PCDHA13: variants seen among roughly 807,000 people sequenced by gnomAD.
The protein encoded by PCDHA13 is protocadherin alpha 13.
A neutral mutation model predicts 64.8 loss-of-function variants in PCDHA13; 54 were observed. That is an observed-to-expected ratio of 0.83 (90% CI 0.67 to 1.04). The LOEUF (loss-of-function observed/expected upper bound fraction) is 1.04, where lower values mean the gene tolerates loss of function less well. Ranked by LOEUF, PCDHA13 falls within the 50% of genes least tolerant of loss-of-function variation. PCDHA13 has a pLI of 0.00. For missense variants in PCDHA13, 1,248 were observed against 1,254.3 expected, an observed-to-expected ratio of 0.99 and a Z score of 0.08; for synonymous variants, 587 against 564.4, an observed-to-expected ratio of 1.04 and a Z score of -0.57.
rs576221086 is a variant in PCDHA13, at chr5:140,933,031, A to G, written c.2395-45918A>G. Among the ~76,000 whole-genome samples, 5 of 152,154 alleles carry G rather than the reference A, an allele frequency of 3.3e-5. No individual in the cohort carries two copies. The South Asian group carries it at 6.2e-4, about 19-fold the overall frequency. ...AATATTAACACTTGGCAGAACTTCAAGTGAATATGGATTACAGTCCAGGAT... is the reference window on the plus strand; with the variant it reads ...AATATTAACACTTGGCAGAACTTCAGGTGAATATGGATTACAGTCCAGGAT... On this transcript the variant is annotated intron_variant, in intron 1 of 3. Coordinates refer to ENST00000289272, the MANE Select transcript of PCDHA13 (RefSeq NM_018904.3).
chr5:140,943,571 G>A (rs1164273913), intron 1 of PCDHA13, among the ~76,000 whole-genome samples: 4 of 152,152 alleles, frequency 2.6e-5, no homozygotes, highest in Admixed American at 2.6e-4. Context: ...ATTTTAATTT[G>A]TTGATCTGAG....
intron 1 of PCDHA13, among the ~76,000 whole-genome samples, chr5:140,922,582 G>T (rs548638056): frequency 6.6e-5 from 10 of 152,160 alleles, no homozygotes; most frequent in Non-Finnish European, 1.5e-4. Flanking sequence ...CCCTGTAGCC[G>T]CCAGTTCTCA....
chr5:140,949,892 C>G (rs2094430270), intron 1 of PCDHA13, among the ~76,000 whole-genome samples: 1 of 151,674 alleles, frequency 6.6e-6, no homozygotes, highest in African/African-American at 2.4e-5. Context: ...TCCTCAGAAT[C>G]TCTTTTAATT....
At chr5:140,893,391 G>T (rs1481818388) in intron 1 of PCDHA13, among the ~76,000 whole-genome samples, 1 of 152,158 alleles carries the variant, frequency 6.6e-6, no homozygotes, top group Non-Finnish European at 1.5e-5. Context: ...AGTGGCTCAT[G>T]CCTGTAATCC....
At chr5:140,955,705 T>G (rs1554222053) in intron 1 of PCDHA13, among the ~76,000 whole-genome samples, 1 of 152,232 alleles carries the variant, frequency 6.6e-6, no homozygotes, top group East Asian at 1.9e-4. Context: ...CAATGGAAGT[T>G]TAATAGGAAT....
At chr5:140,910,856 C>T (rs548609862) in intron 1 of PCDHA13, among the ~76,000 whole-genome samples, 15 of 152,300 alleles carry the variant, frequency 9.8e-5, no homozygotes, top group Non-Finnish European at 2.2e-4. Flanking sequence ...ATCTATGTTC[C>T]ATCCACCATT....
At chr5:140,967,979 G>C (rs1405177525) in intron 1 of PCDHA13, 3 of 1,614,100 alleles carry the variant, frequency 1.9e-6, no homozygotes, top group Non-Finnish European at 2.5e-6. Flanking sequence ...CCTGGGTCTG[G>C]AGGCCACACT....
At chr5:140,984,547 C>T (rs1554246370) in intron 3 of PCDHA13, among the ~76,000 whole-genome samples, 2 of 152,118 alleles carry the variant, frequency 1.3e-5, no homozygotes, top group Non-Finnish European at 2.9e-5. Context: ...CTGGATAGAG[C>T]TTACATCTTC....
At chr5:140,926,737 C>T (rs2083513630) in intron 1 of PCDHA13, 3 of 1,153,842 alleles carry the variant, frequency 2.6e-6, no homozygotes, top group Non-Finnish European at 3.4e-6. Flanking sequence ...GTTCGGGAGG[C>T]GCAACGTCGG....
At chr5:140,969,131 A>C in intron 1 of PCDHA13, 1 of 1,614,138 alleles carries the variant, frequency 6.2e-7, no homozygotes, top group African/African-American at 1.3e-5. Flanking sequence ...CTCCCTCACC[A>C]AGACCTACTG....
Position 141,010,149 on chromosome 5 carries a change from C to T in PCDHA13, c.*212C>T. 6.3e-7 allele frequency: 1 copy of T among 1,580,088 alleles called. No individual in the cohort carries two copies. Among genetic ancestry groups the T allele is most frequent in the Non-Finnish European group, 8.6e-7 (1 of 1,161,942 alleles). On this transcript the variant is annotated 3_prime_UTR_variant, in exon 4 of 4. Transcript: ENST00000289272. ...GTCTGGTGTTAACTCTTTCTCTCCA[C>T]TCTGGCTTGTTTTCAGAACCTAAAA...
intron 3 of PCDHA13, among the ~76,000 whole-genome samples, chr5:141,004,523 A>G (rs934216851): frequency 3.3e-5 from 5 of 152,232 alleles, no homozygotes; most frequent in Admixed American, 2.0e-4. Flanking sequence ...CTCTGCCAAT[A>G]CACACAGCCA....
At position 140,990,592 on chromosome 5, in the gene PCDHA13, C is replaced by T. The variant is rs150978794; in HGVS notation, c.2542+8029C>T. On this transcript the variant is annotated intron_variant, in intron 3 of 3. Coordinates refer to ENST00000289272, the MANE Select transcript of PCDHA13 (RefSeq NM_018904.3). ...GTTCGATCTCTTTTCCTATAATCAC[C>T]TGGAGTCAGATGAATACCGTAAAGG... 2.7e-3 allele frequency among the ~76,000 whole-genome samples: 412 copies of T among 152,286 alleles called. 2 individuals are homozygous for T. Among genetic ancestry groups the T allele is most frequent in the African/African-American group, 9.5e-3 (395 of 41,556 alleles).
chr5:140,924,931 T>C (rs1414085243), intron 1 of PCDHA13, among the ~76,000 whole-genome samples: 1 of 125,890 alleles, frequency 7.9e-6, no homozygotes, highest in Admixed American at 8.0e-5. Context: ...TAAAATAAAA[T>C]AAAATAAAAA....
chr5:140,891,920 C>G (rs1396526194), intron 1 of PCDHA13, among the ~76,000 whole-genome samples: 10 of 152,206 alleles, frequency 6.6e-5, no homozygotes, highest in Non-Finnish European at 8.8e-5. Flanking sequence ...GATGCTGGTG[C>G]CTTGATCTTG....
At chr5:140,907,099 C>T (rs2073164781) in intron 1 of PCDHA13, among the ~76,000 whole-genome samples, 1 of 152,108 alleles carries the variant, frequency 6.6e-6, no homozygotes, top group Admixed American at 6.5e-5. Flanking sequence ...GGTGCCACTT[C>T]CACTTCCACC....
intron 1 of PCDHA13, among the ~76,000 whole-genome samples, chr5:140,973,877 A>G (rs782563295): frequency 6.6e-6 from 1 of 152,234 alleles, no homozygotes; most frequent in Non-Finnish European, 1.5e-5. Context: ...AGGTCAGAAT[A>G]ATGTCAATTT....
At position 140,993,525 on chromosome 5, in the gene PCDHA13, G is replaced by C. The variant is rs573802745; in HGVS notation, c.2542+10962G>C. On this transcript the variant is annotated intron_variant, in intron 3 of 3. Coordinates refer to ENST00000289272, the MANE Select transcript of PCDHA13 (RefSeq NM_018904.3). Reference sequence around the variant, plus strand: ...ACACACACACGGGGAGAGAGAGACAGAGAGAGAGAGAGATAGAGAAGTGAA... The same window carrying C: ...ACACACACACGGGGAGAGAGAGACACAGAGAGAGAGAGATAGAGAAGTGAA... Among the ~76,000 whole-genome samples the C allele has an allele frequency of 4.8e-5, 7 of 147,308 alleles. No homozygotes were observed. The East Asian group carries it at 1.2e-3, about 24-fold the overall frequency.
In PCDHA13 at chr5:140,883,052, A is replaced by G. The variant is rs1554176592; in HGVS notation, c.784A>G (p.Ile262Val). 6.2e-7 allele frequency: 1 copy of G among 1,614,134 alleles called. No homozygotes were observed. The highest frequency in any genetic ancestry group is 2.2e-5 in the East Asian group (1 of 44,870). The change falls in exon 1 of 4, where the codon ATC (isoleucine) becomes GTC (valine). Residue 262 changes from isoleucine to valine, a missense_variant. Transcript: ENST00000289272. ...LENAFNGTLV[I>V]KLNATDPDDG... ...GAACGCCTTCAATGGAACATTAGTGATCAAGCTAAATGCCACAGATCCTGA... is the reference window on the plus strand; with the variant it reads ...GAACGCCTTCAATGGAACATTAGTGGTCAAGCTAAATGCCACAGATCCTGA...
Sources: allele counts gnomAD v4.1 joint callset (sites outside exome capture counted in the v4.1 genomes callset), GRCh38; gene constraint gnomAD v4.1.1; transcripts MANE v1.5; gene names NCBI Gene and HGNC (gene_info 2026-07-23, HGNC 2026-07-21).